The following PUS3 variants were observed in gnomAD, a reference collection of about 807,000 sequenced individuals.
PUS3 encodes the protein pseudouridine synthase 3, also known as tRNA pseudouridine(38/39) synthase.
A neutral mutation model predicts 43.3 loss-of-function variants in PUS3; 36 were observed. That is an observed-to-expected ratio of 0.83 (90% CI 0.64 to 1.10). The LOEUF is 1.10. PUS3 is among the 50% of genes least tolerant of loss of function. PUS3 has a pLI of 0.00. For missense variants in PUS3, 544 were observed against 589.9 expected, an observed-to-expected ratio of 0.92 and a Z score of 0.81; for synonymous variants, 183 against 199.2, an observed-to-expected ratio of 0.92 and a Z score of 0.69.
intron 1 of PUS3, among the ~76,000 whole-genome samples, chr11:125,897,129 C>T (rs1252524513): frequency 1.3e-5 from 2 of 152,184 alleles, no homozygotes; most frequent in Non-Finnish European, 2.9e-5. Context: ...TGGTCCTAGA[C>T]AATCTGTGAC....
chr11:125,899,883 T>C, intron 1 of PUS3: 2 of 1,614,218 alleles, frequency 1.2e-6, no homozygotes, highest in Non-Finnish European at 1.7e-6. Context: ...ATTTGCTCTC[T>C]ACAAAGAGAA....
intron 1 of PUS3, among the ~76,000 whole-genome samples, chr11:125,898,011 G>A (rs904221114): frequency 6.6e-6 from 1 of 152,100 alleles, no homozygotes; most frequent in Non-Finnish European, 1.5e-5. Flanking sequence ...ATAAAATGAA[G>A]AATGTCGGCC....
intron 1 of PUS3, chr11:125,900,258 C>T: frequency 6.2e-7 from 1 of 1,614,124 alleles, no homozygotes; most frequent in Non-Finnish European, 8.5e-7. Context: ...TTCCCTCTTT[C>T]TCCTTCTTAA....
At chr11:125,896,636 A>G (rs1421547142) in intron 1 of PUS3, among the ~76,000 whole-genome samples, 2 of 152,236 alleles carry the variant, frequency 1.3e-5, no homozygotes, top group Non-Finnish European at 2.9e-5. Context: ...TTGATTGAGG[A>G]CTGATGTTAC....
intron 1 of PUS3, among the ~76,000 whole-genome samples, chr11:125,897,655 G>A (rs1232451799): frequency 6.6e-6 from 1 of 152,076 alleles, no homozygotes; most frequent in Non-Finnish European, 1.5e-5. Context: ...TGAGATAAAT[G>A]CAAAAGGATA....
intron 1 of PUS3, chr11:125,900,408 G>C: frequency 1.3e-6 from 1 of 760,196 alleles, no homozygotes; most frequent in Non-Finnish European, 2.2e-6. Flanking sequence ...GTCTTTCCTA[G>C]CTATATATCA....
In PUS3 at chr11:125,893,675, T is replaced by TAAGAGC; in HGVS notation, c.*109_*110insGCTCTT. On this transcript the variant is annotated 3_prime_UTR_variant, in exon 4 of 4. Transcript: ENST00000227474. The stretch of plus-strand genomic sequence containing the variant: ...TAGTCTTTTTGCTTTTTTTTTTCTT[T>TAAGAGC]TAAGAGCTGATCATCTGAATTCCTA... The TAAGAGC allele has an allele frequency of 3.8e-6, 3 of 795,228 alleles. No homozygotes were observed. The highest frequency in any genetic ancestry group is 3.0e-5 in the Admixed American group (1 of 33,352). 49.3% of individuals were successfully genotyped at this position (795,228 alleles called of 1,614,324 possible).
rs769100719 is a variant in PUS3 at position 125,893,853 on chromosome 11, C to T, written c.1378G>A (p.Glu460Lys). Residue 460 changes from glutamate (E) to lysine (K), a missense_variant, in exon 4 of 4, where the codon GAG becomes AAG. By Grantham distance (56) the Glu-to-Lys change is moderately conservative. Coordinates refer to ENST00000227474, the MANE Select transcript of PUS3 (RefSeq NM_031307.4). ...KRDCNDTLEE[E>K]NTNLETPTKR... ...GTTGGTGTCTCCAAATTAGTATTCT[C>T]TTCCTCTAGTGTGTCATTACAGTCC... 4.3e-6 allele frequency: 7 copies of T among 1,613,920 alleles called. No homozygotes were observed. In the East Asian group the frequency reaches 1.3e-4, roughly 31 times the overall value.
chr11:125,902,376 CG>C (rs552311756), intron 1 of PUS3, among the ~76,000 whole-genome samples: 1 of 9,426 alleles, frequency 1.1e-4, no homozygotes, highest in Non-Finnish European at 2.1e-4. Context: ...GGGGTGGTGG[CG>C]GGGGGGAGGG....
chr11:125,898,765 A>ATT (rs565353526), intron 1 of PUS3, among the ~76,000 whole-genome samples: 17 of 148,160 alleles, frequency 1.1e-4, no homozygotes, highest in East Asian at 9.8e-4. Flanking sequence ...TGCTTTTGTG[A>ATT]TTTTTTTTTT....
At chr11:125,894,539 A>G (rs1467241866) in intron 3 of PUS3, among the ~76,000 whole-genome samples, 1 of 152,240 alleles carries the variant, frequency 6.6e-6, no homozygotes, top group Non-Finnish European at 1.5e-5. Flanking sequence ...ACATGGCTCC[A>G]TCATACTGCT....
In PUS3 at chr11:125,894,095, C is replaced by G; in HGVS notation, c.1136G>C (p.Gly379Ala). Residue 379 changes from glycine to alanine, a missense_variant, in exon 4 of 4, where the codon GGA (glycine) becomes GCA (alanine). Coordinates refer to ENST00000227474, the MANE Select transcript of PUS3 (RefSeq NM_031307.4). ...LDTVPVPCGI[G>A]PKMDGMTEWG... ...TTCTGTCATTCCATCCATCTTTGGTCCTATTCCACAGGGTACTGGAACAGT... is the reference window on the plus strand; with the variant it reads ...TTCTGTCATTCCATCCATCTTTGGTGCTATTCCACAGGGTACTGGAACAGT... 4 of 1,614,154 alleles carry G rather than the reference C, an allele frequency of 2.5e-6. No individual in the cohort carries two copies. Among genetic ancestry groups the G allele is most frequent in the East Asian group, 4.5e-5 (2 of 44,888 alleles).
rs780261422 is a variant in PUS3, at chr11:125,893,569, T to A, written c.*216A>T. 30 of 436,122 alleles carry A rather than the reference T, an allele frequency of 6.9e-5. No homozygotes were observed. The highest frequency in any genetic ancestry group is 1.2e-4 in the Non-Finnish European group (29 of 250,032). The allele number at this position is 436,122 out of a possible 1,614,324, so 27.0% of individuals were successfully genotyped here. ...TAAATACATCTCCATTTTACGTTCT[T>A]TAATCGCTTAATCCTTTTGGACCGG... On this transcript the variant is annotated 3_prime_UTR_variant, in exon 4 of 4. Coordinates refer to ENST00000227474, the MANE Select transcript of PUS3 (RefSeq NM_031307.4).
Position 125,894,146 on chromosome 11 carries a change from A to G in PUS3, c.1085T>C (p.Leu362Ser), listed in dbSNP as rs1258401698. ...GTCCAGTCCTTGTAGCATACTATAC[A>G]ACATGTGAGTTTTGACAGCATGATT... ...WANHAVKTHMLYSMLQGLDTV... is the reference protein window; with the variant it reads ...WANHAVKTHMSYSMLQGLDTV... The change falls in exon 4 of 4, where the codon TTG becomes TCG. Residue 362 changes from leucine (L) to serine (S), a missense_variant. Physicochemically the swap from Leu to Ser is moderately radical, Grantham distance 145. Coordinates refer to ENST00000227474, the MANE Select transcript of PUS3 (RefSeq NM_031307.4). 1 of 1,614,156 alleles carries G rather than the reference A, an allele frequency of 6.2e-7. No homozygotes were observed. Among genetic ancestry groups the G allele is most frequent in the Non-Finnish European group, 8.5e-7 (1 of 1,180,014 alleles).
chr11:125,897,785 C>T (rs1264738062), intron 1 of PUS3, among the ~76,000 whole-genome samples: 2 of 152,162 alleles, frequency 1.3e-5, no homozygotes, highest in Non-Finnish European at 1.5e-5. Flanking sequence ...TGGAGGTAAA[C>T]ATTTTGGCAA....
chr11:125,893,896 TTCC>T lies in PUS3; in HGVS notation c.1332_1334del (p.Glu446del). The T allele has an allele frequency of 6.2e-7, 1 of 1,614,196 alleles. No homozygotes were observed. Among genetic ancestry groups the T allele is most frequent in the Non-Finnish European group, 8.5e-7 (1 of 1,180,034 alleles). On this transcript the variant is annotated inframe_deletion, in exon 4 of 4. Coordinates refer to ENST00000227474, the MANE Select transcript of PUS3 (RefSeq NM_031307.4). The stretch of plus-strand genomic sequence containing the variant: ...TACAGTCCCTTTTGGCTTTTGTTTC[TTCC>T]TCATGGAATAAATGTGGGTGCTCAA...
At chr11:125,896,646 C>A (rs7129502) in intron 1 of PUS3, among the ~76,000 whole-genome samples, 2 of 152,122 alleles carry the variant, frequency 1.3e-5, no homozygotes, top group African/African-American at 4.8e-5. Context: ...ACTGATGTTA[C>A]AGATTTTTTT....
chr11:125,898,253 C>A (rs1331695563), intron 1 of PUS3, among the ~76,000 whole-genome samples: 1 of 152,106 alleles, frequency 6.6e-6, no homozygotes, highest in Non-Finnish European at 1.5e-5. Flanking sequence ...AGTGGGGACA[C>A]AGGAAATAGT....
intron 1 of PUS3, chr11:125,899,301 GGGAATTTATTATCAGAAA>G: frequency 4.9e-6 from 7 of 1,422,270 alleles, no homozygotes; most frequent in Non-Finnish European, 6.9e-6. Context: ...TTTATGAGCT[GGGAATTTATTATCAGAAA>G]ACTGACCAAT....
Sources: allele counts gnomAD v4.1 joint callset (sites outside exome capture counted in the v4.1 genomes callset), GRCh38; gene constraint gnomAD v4.1.1; transcripts MANE v1.5; gene names NCBI Gene and HGNC (gene_info 2026-07-23, HGNC 2026-07-21).